The following GALM variants were observed in gnomAD, a reference collection of about 807,000 sequenced individuals.
The protein encoded by GALM is galactose mutarotase.
Under a neutral mutation model 37.4 loss-of-function variants are expected in GALM, and 43 were observed. That is an observed-to-expected ratio of 1.15 (90% CI 0.90 to 1.48). The LOEUF (loss-of-function observed/expected upper bound fraction) is 1.48. Ranked by LOEUF, GALM falls within the 40% of genes most tolerant of loss-of-function variation. The pLI is 0.00. For missense variants in GALM, 456 were observed against 419.1 expected, an observed-to-expected ratio of 1.09 and a Z score of -0.77; for synonymous variants, 199 against 170.6, an observed-to-expected ratio of 1.17 and a Z score of -1.30.
chr2:38,686,317 G>A (rs539495038), intron 3 of GALM, among the ~76,000 whole-genome samples: 1 of 122,012 alleles, frequency 8.2e-6, no homozygotes, highest in Non-Finnish European at 1.8e-5. Context: ...CCAGGCTGGA[G>A]TGCAGTGGCG....
intron 4 of GALM, among the ~76,000 whole-genome samples, chr2:38,695,208 G>C (rs1350176012): frequency 2.0e-5 from 3 of 152,010 alleles, no homozygotes; most frequent in Non-Finnish European, 4.4e-5. Flanking sequence ...GGATTTTTGA[G>C]CCCAAGACTT....
intron 5 of GALM, 40 bp downstream of exon 5, chr2:38,729,737 T>C: frequency 6.4e-7 from 1 of 1,551,660 alleles, no homozygotes; most frequent in East Asian, 2.3e-5. Flanking sequence ...AAGGAAGAAA[T>C]GACACCAAGT....
In GALM at chr2:38,708,609, C is replaced by T. The variant is rs546833517; in HGVS notation, c.634+18715C>T. ...ATGAAAAATTAGCCAGGTATGGTGG[C>T]GGGCGCCTGTAGTCCCAGCTACTCA... is the stretch of plus-strand genomic sequence containing the variant. On this transcript the variant is annotated intron_variant, in intron 4 of 6. Transcript: ENST00000272252. Among the ~76,000 whole-genome samples the T allele has an allele frequency of 5.3e-5, 8 of 151,654 alleles. No homozygotes were observed. The East Asian group carries it at 1.2e-3, about 22-fold the overall frequency.
intron 4 of GALM, among the ~76,000 whole-genome samples, chr2:38,691,783 A>G (rs1665680395): frequency 6.6e-6 from 1 of 151,996 alleles, no homozygotes; most frequent in Admixed American, 6.6e-5. Context: ...CTTTTCATGA[A>G]AGAATATTTT....
intron 4 of GALM, among the ~76,000 whole-genome samples, chr2:38,726,632 G>A (rs1047398859): frequency 3.3e-5 from 5 of 152,148 alleles, no homozygotes; most frequent in East Asian, 1.9e-4. Flanking sequence ...AGTCTCGGCC[G>A]GGCTCAGTGG....
In GALM at chr2:38,710,669, C is replaced by T. The variant is rs535302485; in HGVS notation, c.635-18887C>T. Among the ~76,000 whole-genome samples the T allele has an allele frequency of 4.6e-5, 7 of 151,906 alleles. No individual in the cohort carries two copies. In the South Asian group the frequency reaches 1.0e-3, roughly 23 times the overall value. ...ATCCTCCTGCCTCAGGCTCCCAAAG[C>T]GCTGAGATTACAGGCATGAGCCACC... On this transcript the variant is annotated intron_variant, in intron 4 of 6. Transcript: ENST00000272252.
At chr2:38,715,584 T>C (rs540512994) in intron 4 of GALM, among the ~76,000 whole-genome samples, 1 of 152,276 alleles carries the variant, frequency 6.6e-6, no homozygotes, top group South Asian at 2.1e-4. Flanking sequence ...ACCACAGGTA[T>C]GCACCACCAC....
At chr2:38,705,561 G>T (rs1360436596) in intron 4 of GALM, among the ~76,000 whole-genome samples, 1 of 152,222 alleles carries the variant, frequency 6.6e-6, no homozygotes, top group Non-Finnish European at 1.5e-5. Flanking sequence ...CTCAGTGTCT[G>T]TGAGGATCTA....
intron 2 of GALM, among the ~76,000 whole-genome samples, chr2:38,676,982 C>G (rs545763625): frequency 3.3e-5 from 5 of 152,200 alleles, no homozygotes. Flanking sequence ...CACTGAAGTG[C>G]CTCATGCCTC....
At chr2:38,706,866 A>T (rs1319822805) in intron 4 of GALM, among the ~76,000 whole-genome samples, 2 of 130,186 alleles carry the variant, frequency 1.5e-5, no homozygotes, top group South Asian at 2.6e-4. Context: ...CCATCTCTTT[A>T]AAAAAAAAAG....
Position 38,731,666 on chromosome 2 carries a change from C to A in GALM, c.777-69C>A, listed in dbSNP as rs902010430. The stretch of plus-strand genomic sequence containing the variant: ...GGGTCTGATTCCTGTCTCAAAGCCG[C>A]TTCCCAGCTTCTACTCCTCCCCACC... On this transcript the variant is annotated intron_variant, in intron 5 of 6. Coordinates refer to ENST00000272252, the MANE Select transcript of GALM (RefSeq NM_138801.3). 8 of 1,225,864 alleles carry A rather than the reference C, an allele frequency of 6.5e-6. No homozygotes were observed. In the African/African-American group the frequency reaches 1.2e-4, roughly 18 times the overall value. 75.9% of individuals were successfully genotyped at this position (1,225,864 alleles called of 1,614,324 possible).
intron 4 of GALM, among the ~76,000 whole-genome samples, chr2:38,726,823 G>C (rs1666495590): frequency 6.6e-6 from 1 of 151,856 alleles, no homozygotes; most frequent in Non-Finnish European, 1.5e-5. Context: ...TTGAACCTGG[G>C]AGGCCAAGGT....
chr2:38,695,261 A>G (rs1020190111), intron 4 of GALM, among the ~76,000 whole-genome samples: 2 of 152,170 alleles, frequency 1.3e-5, no homozygotes, highest in African/African-American at 2.4e-5. Context: ...ATCTCTACCA[A>G]AAATACAAAA....
intron 4 of GALM, among the ~76,000 whole-genome samples, chr2:38,707,320 G>C (rs1323823451): frequency 6.6e-6 from 1 of 152,134 alleles, no homozygotes; most frequent in African/African-American, 2.4e-5. Context: ...AGGAATCATA[G>C]ACTGAGGAGA....
In GALM at chr2:38,733,667, A is replaced by C. The variant is rs895475809; in HGVS notation, c.*102A>C. On this transcript the variant is annotated 3_prime_UTR_variant, in exon 7 of 7. Transcript: ENST00000272252. ...AGAAGCTTTCAGAATGATTCTATGG[A>C]TTAAAATCATACAAATGGTGGCTGT... 3.4e-6 allele frequency: 3 copies of C among 874,678 alleles called. No individual in the cohort carries two copies. The African/African-American group carries it at 5.0e-5, about 15-fold the overall frequency. The allele number at this position is 874,678 out of a possible 1,614,324, so 54.2% of individuals were successfully genotyped here. A position where few individuals can be genotyped will look rare whatever the true frequency, so the allele number is the denominator to read the frequency against.
intron 1 of GALM, among the ~76,000 whole-genome samples, chr2:38,673,487 C>T (rs548899070): frequency 1.3e-5 from 2 of 152,266 alleles, no homozygotes; most frequent in East Asian, 1.9e-4. Flanking sequence ...GAGGACGCTA[C>T]TTTGCTTTTT....
intron 3 of GALM, among the ~76,000 whole-genome samples, chr2:38,686,794 G>C (rs1665549256): frequency 1.3e-5 from 2 of 152,190 alleles, no homozygotes; most frequent in Non-Finnish European, 2.9e-5. Flanking sequence ...TAAGGAGGCA[G>C]GCACCTAGGA....
intron 4 of GALM, among the ~76,000 whole-genome samples, chr2:38,710,099 C>G (rs1033721261): frequency 1.3e-5 from 2 of 152,218 alleles, no homozygotes; most frequent in Non-Finnish European, 2.9e-5. Flanking sequence ...GGGGCTTCCT[C>G]AGATGATCTC....
chr2:38,681,263 A>G lies in GALM; in HGVS notation c.346-17A>G, dbSNP rs1292502598. The G allele has an allele frequency of 6.2e-7, 1 of 1,608,904 alleles. No individual in the cohort carries two copies. Among genetic ancestry groups the G allele is most frequent in the African/African-American group, 1.3e-5 (1 of 74,846 alleles). On this transcript the variant is annotated splice_polypyrimidine_tract_variant and intron_variant, in intron 2 of 6. Coordinates refer to ENST00000272252, the MANE Select transcript of GALM (RefSeq NM_138801.3). The stretch of plus-strand genomic sequence containing the variant: ...AGGATGGAGCAACTACACAACTTTG[A>G]AAACACTTTTTTCCAGGTGCTCTGG...
Sources: allele counts gnomAD v4.1 joint callset (sites outside exome capture counted in the v4.1 genomes callset), GRCh38; gene constraint gnomAD v4.1.1; transcripts MANE v1.5; gene names NCBI Gene and HGNC (gene_info 2026-07-23, HGNC 2026-07-21).